Variants in CFAP20DC observed in about 807,000 individuals in gnomAD.
CFAP20DC encodes the protein protein CFAP20DC.
A neutral mutation model predicts 101.7 loss-of-function variants in CFAP20DC; 84 were observed. That is an observed-to-expected ratio of 0.83 (90% CI 0.69 to 0.99). The LOEUF (loss-of-function observed/expected upper bound fraction) is 0.99, where lower values mean the gene tolerates loss of function less well. CFAP20DC is among the 50% of genes least tolerant of loss of function. The pLI, the probability that CFAP20DC is intolerant of heterozygous loss-of-function variation, is 0.00. For missense variants in CFAP20DC, 1,007 were observed against 970.3 expected, an observed-to-expected ratio of 1.04 and a Z score of -0.50; for synonymous variants, 359 against 351.2, an observed-to-expected ratio of 1.02 and a Z score of -0.25.
intron 4 of CFAP20DC, among the ~76,000 whole-genome samples, chr3:59,027,311 A>G (rs72883337): frequency 0.19 from 28,932 of 152,024 alleles, 2,818 homozygotes; most frequent in African/African-American, 0.21. Flanking sequence ...TTCAACCTTT[A>G]TCAGATTCCA....
At chr3:58,783,419 A>G (rs2072021727) in intron 15 of CFAP20DC, among the ~76,000 whole-genome samples, 1 of 152,088 alleles carries the variant, frequency 6.6e-6, no homozygotes, top group Non-Finnish European at 1.5e-5. Flanking sequence ...CCAAAAATAG[A>G]TAAATAGGAC....
intron 3 of CFAP20DC, among the ~76,000 whole-genome samples, chr3:59,044,968 C>CA (rs748892935): frequency 6.7e-6 from 1 of 149,876 alleles, no homozygotes; most frequent in East Asian, 2.0e-4. Context: ...TATGGAAATG[C>CA]AAAAAACCTC....
chr3:58,762,885 T>C (rs2069793842), intron 15 of CFAP20DC, among the ~76,000 whole-genome samples: 2 of 152,208 alleles, frequency 1.3e-5, no homozygotes, highest in African/African-American at 4.8e-5. Context: ...TTCTGGCTTG[T>C]AGAGTTTCTG....
chr3:58,847,464 G>A (rs755803610), intron 13 of CFAP20DC, among the ~76,000 whole-genome samples: 111 of 149,894 alleles, frequency 7.4e-4, no homozygotes, highest in Non-Finnish European at 1.3e-3. Flanking sequence ...AAACCACAAT[G>A]AGATACCATC....
intron 13 of CFAP20DC, among the ~76,000 whole-genome samples, chr3:58,843,163 G>A (rs998746554): frequency 7.2e-5 from 11 of 152,210 alleles, no homozygotes; most frequent in Non-Finnish European, 1.2e-4. Flanking sequence ...GCTGGATGGA[G>A]AATGACTTTG....
intron 14 of CFAP20DC, among the ~76,000 whole-genome samples, chr3:58,813,825 T>A (rs2074880880): frequency 6.6e-6 from 1 of 151,928 alleles, no homozygotes; most frequent in African/African-American, 2.4e-5. Context: ...CATCACCATT[T>A]CAGTAATAAG....
At position 58,859,889 on chromosome 3, in the gene CFAP20DC, C is replaced by T. The variant is rs1008771511; in HGVS notation, c.1593+3669G>A. On this transcript the variant is annotated intron_variant, in intron 12 of 16. Coordinates refer to ENST00000482387, the MANE Select transcript of CFAP20DC (RefSeq NM_001394063.1). This position sits in a 1 kb window ranked among gnomAD's most constrained non-coding sequence, Gnocchi z 4.1. ...TGTGTGTGAGAAAGCAATTAAAAAT[C>T]ATTACTTGGCCAGGCGCGATGGCTC... 6.6e-6 allele frequency among the ~76,000 whole-genome samples: 1 copy of T among 151,980 alleles called. No individual in the cohort carries two copies. The highest frequency in any genetic ancestry group is 2.4e-5 in the African/African-American group (1 of 41,382).
At chr3:58,822,970 G>C (rs1013359509) in intron 14 of CFAP20DC, among the ~76,000 whole-genome samples, 1 of 152,134 alleles carries the variant, frequency 6.6e-6, no homozygotes, top group Non-Finnish European at 1.5e-5. Context: ...CAGGGACACA[G>C]AGAAGAATCT....
chr3:58,913,465 G>C lies in CFAP20DC; in HGVS notation c.550+243C>G, dbSNP rs1197651583. The C allele has an allele frequency of 1.7e-6, 1 of 602,336 alleles. No individual in the cohort carries two copies. Among genetic ancestry groups the C allele is most frequent in the Non-Finnish European group, 2.9e-6 (1 of 341,476 alleles). The allele number at this position is 602,336 out of a possible 1,614,324, so 37.3% of individuals were successfully genotyped here. On this transcript the variant is annotated intron_variant, in intron 6 of 16. Transcript: ENST00000482387. This position sits in a 1 kb window ranked among gnomAD's most constrained non-coding sequence, Gnocchi z 4.4. The stretch of plus-strand genomic sequence containing the variant: ...CTAAGGAGCCTAAGACAGATAGCAA[G>C]TGTTACCATAAAGAAAAAAGAAAAC...
At chr3:58,935,719 T>C (rs1021710039) in intron 5 of CFAP20DC, among the ~76,000 whole-genome samples, 5 of 152,192 alleles carry the variant, frequency 3.3e-5, no homozygotes, top group East Asian at 1.9e-4. Context: ...TGGCTAGCCA[T>C]ATGTAGAAAG....
intron 11 of CFAP20DC, among the ~76,000 whole-genome samples, chr3:58,865,145 G>T (rs1383000103): frequency 7.4e-6 from 1 of 135,284 alleles, no homozygotes. Flanking sequence ...GTAAAATCTT[G>T]CAGAATCACA....
At position 58,861,799 on chromosome 3, in the gene CFAP20DC, C is replaced by G; in HGVS notation, c.1593+1759G>C. On this transcript the variant is annotated intron_variant, in intron 12 of 16. Coordinates refer to ENST00000482387, the MANE Select transcript of CFAP20DC (RefSeq NM_001394063.1). This position sits in a 1 kb window ranked among gnomAD's most constrained non-coding sequence, Gnocchi z 4.0. Reference sequence around the variant, plus strand: ...TCTCACCACAGACTCTAGCCGTATGCTACTGGTCACCTTGATGGGCATGGC... The same window carrying G: ...TCTCACCACAGACTCTAGCCGTATGGTACTGGTCACCTTGATGGGCATGGC... 9.1e-6 allele frequency: 9 copies of G among 985,432 alleles called. No homozygotes were observed. Among genetic ancestry groups the G allele is most frequent in the Non-Finnish European group, 1.1e-5 (9 of 829,930 alleles). The allele number at this position is 985,432 out of a possible 1,614,324, so 61.0% of individuals were successfully genotyped here.
At chr3:58,819,774 C>T (rs960256787) in intron 14 of CFAP20DC, among the ~76,000 whole-genome samples, 5 of 147,432 alleles carry the variant, frequency 3.4e-5, no homozygotes, top group African/African-American at 1.3e-4. Context: ...AAGAGGGAAT[C>T]CTCCCTAACT....
In CFAP20DC at chr3:58,787,688, G is replaced by A. The variant is rs554834052; in HGVS notation, c.2237+18707C>T. Among the ~76,000 whole-genome samples, 5 of 152,190 alleles carry A rather than the reference G, an allele frequency of 3.3e-5. No individual in the cohort carries two copies. In the East Asian group the frequency reaches 7.7e-4, roughly 24 times the overall value. On this transcript the variant is annotated intron_variant, in intron 15 of 16. Transcript: ENST00000482387. ...ATCATTCTACTATAAAGATGCACATGCATGTTTATTGCAGCACTATTTACA... is the reference window on the plus strand; with the variant it reads ...ATCATTCTACTATAAAGATGCACATACATGTTTATTGCAGCACTATTTACA...
rs1457313190 is a variant in CFAP20DC, at chr3:59,006,112, C to T, written c.278+33445G>A. On this transcript the variant is annotated intron_variant, in intron 4 of 16. Transcript: ENST00000482387. The surrounding 1 kb of genome is among the most constrained non-coding windows in gnomAD (Gnocchi z 4.3). ...AATATACTGTGTATATGTATATATA[C>T]ACACATCTATACATGGAAGGATGGA... Among the ~76,000 whole-genome samples the T allele has an allele frequency of 6.6e-6, 1 of 151,956 alleles. No homozygotes were observed. Among genetic ancestry groups the T allele is most frequent in the East Asian group, 1.9e-4 (1 of 5,194 alleles).
At chr3:58,818,625 A>G (rs1221749192) in intron 14 of CFAP20DC, among the ~76,000 whole-genome samples, 1 of 144,942 alleles carries the variant, frequency 6.9e-6, no homozygotes, top group Non-Finnish European at 1.5e-5. Context: ...ATACAGGAGC[A>G]CCCAGATTCA....
chr3:58,719,674 C>T (rs937988450), intron 3 of CFAP20DC, among the ~76,000 whole-genome samples: 39 of 152,194 alleles, frequency 2.6e-4, no homozygotes, highest in Middle Eastern at 3.4e-3. Flanking sequence ...CTGGTTTGTC[C>T]GCCTGTGTCT....
chr3:58,813,487 G>A (rs1411543227), intron 14 of CFAP20DC, among the ~76,000 whole-genome samples: 1 of 151,932 alleles, frequency 6.6e-6, no homozygotes, highest in African/African-American at 2.4e-5. Context: ...TCCAAACCCA[G>A]TGGGGTTGGT....
chr3:58,746,955 T>G (rs1467474442), intron 16 of CFAP20DC, among the ~76,000 whole-genome samples: 2 of 152,164 alleles, frequency 1.3e-5, no homozygotes, highest in Non-Finnish European at 2.9e-5. Flanking sequence ...CATTGGGAAA[T>G]GTTTTGAAAG....
Sources: allele counts gnomAD v4.1 joint callset (sites outside exome capture counted in the v4.1 genomes callset), GRCh38; gene constraint gnomAD v4.1.1; non-coding constraint Gnocchi (gnomAD v3.1); transcripts MANE v1.5; gene names NCBI Gene and HGNC (gene_info 2026-07-23, HGNC 2026-07-21).